CALN1: variants seen among roughly 807,000 people sequenced by gnomAD.
The protein encoded by CALN1 is calneuron 1.
CALN1 carries 17 observed loss-of-function variants against 30.6 expected under a neutral mutation model. That is an observed-to-expected ratio of 0.56 (90% confidence interval 0.38 to 0.83). The LOEUF (loss-of-function observed/expected upper bound fraction) is 0.83, where lower values mean the gene tolerates loss of function less well. CALN1 is among the 40% of genes least tolerant of loss of function. The pLI is 0.00. For missense variants in CALN1, 291 were observed against 354.9 expected (o/e 0.82, Z 1.45); for synonymous variants, 156 against 131.4 (o/e 1.19, Z -1.28).
At chr7:72,443,576 G>A (rs1207324553) in intron 1 of CALN1, among the ~76,000 whole-genome samples, 2 of 152,014 alleles carry the variant, frequency 1.3e-5, no homozygotes, top group African/African-American at 4.8e-5. Flanking sequence ...AGCCTAGGAT[G>A]ATATTTCATA....
At position 72,234,489 on chromosome 7, in the gene CALN1, G is replaced by A. The variant is rs111522833; in HGVS notation, c.244+44197C>T. Reference sequence around the variant, plus strand: ...TGAGATGGAGTCTCGCTCTGTCACCGAGGCTGGAATGCCATGGCGCGATCT... The same window carrying A: ...TGAGATGGAGTCTCGCTCTGTCACCAAGGCTGGAATGCCATGGCGCGATCT... On this transcript the variant is annotated intron_variant, in intron 3 of 6. Coordinates refer to ENST00000395275, the MANE Select transcript of CALN1 (RefSeq NM_031468.4). Among the ~76,000 whole-genome samples the A allele has an allele frequency of 9.6e-4, 146 of 151,898 alleles. 1 individual carries two copies. Among genetic ancestry groups the A allele is most frequent in the African/African-American group, 2.6e-3 (107 of 41,412 alleles).
At chr7:72,277,676 C>G (rs1207478069) in intron 3 of CALN1, among the ~76,000 whole-genome samples, 1 of 152,164 alleles carries the variant, frequency 6.6e-6, no homozygotes, top group Non-Finnish European at 1.5e-5. Flanking sequence ...CTTCACCTCC[C>G]TCACTTCCTG....
chr7:72,264,125 A>G (rs1796458440), intron 3 of CALN1, among the ~76,000 whole-genome samples: 1 of 152,234 alleles, frequency 6.6e-6, no homozygotes, highest in Non-Finnish European at 1.5e-5. Flanking sequence ...CTGAGAAGTC[A>G]GGAGACGGAG....
Position 72,196,280 on chromosome 7 carries a change from G to A in CALN1, c.244+82406C>T, listed in dbSNP as rs115645341. On this transcript the variant is annotated intron_variant, in intron 3 of 6. Transcript: ENST00000395275. ...CTACAGGCGCATACCGCCATGCCTG[G>A]GTAACTTTTTGTATTTTTGCTAGAA... Among the ~76,000 whole-genome samples, 1,037 of 152,202 alleles carry A rather than the reference G, an allele frequency of 6.8e-3. 12 individuals carry two copies. The highest frequency in any genetic ancestry group is 0.023 in the African/African-American group (964 of 41,534).
chr7:72,460,492 C>T, the CALN1 span, among the ~76,000 whole-genome samples: 2 of 151,710 alleles, frequency 1.3e-5, no homozygotes, highest in African/African-American at 2.4e-5. Flanking sequence ...ATTAGCCGGG[C>T]GTGGTGGCAG....
At chr7:72,079,697 G>A (rs1804986765) in intron 4 of CALN1, among the ~76,000 whole-genome samples, 1 of 149,800 alleles carries the variant, frequency 6.7e-6, no homozygotes, top group South Asian at 2.2e-4. Context: ...GACCAGTTCA[G>A]ACTCACTGAA....
At chr7:71,952,947 G>A (rs886069421) in intron 5 of CALN1, among the ~76,000 whole-genome samples, 2 of 152,066 alleles carry the variant, frequency 1.3e-5, no homozygotes, top group East Asian at 3.9e-4. Context: ...TGGCTTTCGT[G>A]ACTCAGTCCT....
At chr7:72,164,335 G>A (rs368683358) in intron 3 of CALN1, among the ~76,000 whole-genome samples, 4 of 124,244 alleles carry the variant, frequency 3.2e-5, no homozygotes, top group East Asian at 2.4e-4. Flanking sequence ...TGGGTGACAA[G>A]AGCAACACTC....
chr7:72,440,227 C>T (rs1339043805), intron 1 of CALN1, among the ~76,000 whole-genome samples: 1 of 152,196 alleles, frequency 6.6e-6, no homozygotes, highest in Non-Finnish European at 1.5e-5. Context: ...ATTTCTTGGT[C>T]TGGGTCCTGG....
intron 5 of CALN1, among the ~76,000 whole-genome samples, chr7:71,884,191 G>A (rs1187326366): frequency 6.6e-6 from 1 of 152,182 alleles, no homozygotes; most frequent in Non-Finnish European, 1.5e-5. Context: ...GGGATTACAG[G>A]TGTGAGCCAC....
rs193244832 is a variant in CALN1, at chr7:71,789,590, G to T, written c.659-1688C>A. On this transcript the variant is annotated intron_variant, in intron 6 of 6. Coordinates refer to ENST00000395275, the MANE Select transcript of CALN1 (RefSeq NM_031468.4). ...GGCAGCACCAATGTGAAGATAGGGGGGCACCAAACTCTCTTAGACATGCCA... is the reference window on the plus strand; with the variant it reads ...GGCAGCACCAATGTGAAGATAGGGGTGCACCAAACTCTCTTAGACATGCCA... Among the ~76,000 whole-genome samples, 43 of 152,170 alleles carry T rather than the reference G, an allele frequency of 2.8e-4. No homozygotes were observed. In the East Asian group the frequency reaches 8.2e-3, roughly 29 times the overall value.
intron 1 of CALN1, among the ~76,000 whole-genome samples, chr7:72,406,612 C>A (rs1806712249): frequency 1.1e-5 from 1 of 87,490 alleles, no homozygotes; most frequent in Non-Finnish European, 2.1e-5. Flanking sequence ...GGGTCCTTGT[C>A]AGCTTTTTTT....
chr7:72,240,654 CAGAAG>C (rs1271821916), intron 3 of CALN1, among the ~76,000 whole-genome samples: 2 of 152,190 alleles, frequency 1.3e-5, no homozygotes, highest in Non-Finnish European at 2.9e-5. Flanking sequence ...CCCTCATCTT[CAGAAG>C]AGAAGGATTC....
At chr7:72,209,634 T>C (rs1467085225) in intron 3 of CALN1, among the ~76,000 whole-genome samples, 2 of 151,972 alleles carry the variant, frequency 1.3e-5, no homozygotes, top group African/African-American at 4.8e-5. Flanking sequence ...GCAGTCAATA[T>C]TAGAACATTT....
intron 3 of CALN1, among the ~76,000 whole-genome samples, chr7:72,117,529 T>C (rs377511194): frequency 4.6e-5 from 7 of 152,238 alleles, no homozygotes; most frequent in African/African-American, 1.7e-4. Flanking sequence ...ACAAGGTGTG[T>C]GTGTGTGACC....
chr7:71,885,757 A>C (rs1441784016), intron 5 of CALN1, among the ~76,000 whole-genome samples: 1 of 152,224 alleles, frequency 6.6e-6, no homozygotes, highest in Non-Finnish European at 1.5e-5. Flanking sequence ...GCTGACCACG[A>C]GCAGACAGAT....
chr7:72,316,238 C>T (rs117386459), intron 2 of CALN1, among the ~76,000 whole-genome samples: 41 of 151,984 alleles, frequency 2.7e-4, no homozygotes, highest in Non-Finnish European at 4.1e-4. Context: ...GAAAACAACA[C>T]GTGGCACACC....
intron 5 of CALN1, among the ~76,000 whole-genome samples, chr7:71,988,758 T>C (rs1798806217): frequency 6.6e-6 from 1 of 152,226 alleles, no homozygotes; most frequent in Admixed American, 6.5e-5. Flanking sequence ...AATCTGATGC[T>C]TGCTGTTTCC....
At chr7:72,071,866 A>T (rs1207212905) in intron 4 of CALN1, among the ~76,000 whole-genome samples, 1 of 152,222 alleles carries the variant, frequency 6.6e-6, no homozygotes. Flanking sequence ...AAGAAGGAAG[A>T]CATAGAGAAA....
Sources: allele counts gnomAD v4.1 joint callset (sites outside exome capture counted in the v4.1 genomes callset), GRCh38; gene constraint gnomAD v4.1.1; transcripts MANE v1.5; gene names NCBI Gene and HGNC (gene_info 2026-07-23, HGNC 2026-07-21).